Variants in SLC25A20 observed in about 807,000 individuals in gnomAD.
SLC25A20 encodes the protein solute carrier family 25 member 20, also known as mitochondrial carnitine/acylcarnitine carrier protein.
Under a neutral mutation model 39.7 loss-of-function variants are expected in SLC25A20, and 29 were observed. The ratio of observed to expected loss-of-function variants is 0.73; its 90% CI spans 0.54 to 1.00. The LOEUF (loss-of-function observed/expected upper bound fraction) is 1.00, where lower values mean the gene tolerates loss of function less well. SLC25A20 is among the 50% of genes least tolerant of loss of function. The probability of loss-of-function intolerance (pLI) is 0.00; values close to 1 mark genes in which losing one functional copy is unlikely to be tolerated. For synonymous variants in SLC25A20, 103 were observed against 142.2 expected (o/e 0.72, Z 1.96); for missense variants, 333 against 379.9 (o/e 0.88, Z 1.03).
intron 7 of SLC25A20, 109 bp from the exon 8 acceptor site, chr3:48,858,740 G>A (rs990667207): frequency 1.5e-6 from 2 of 1,340,716 alleles, no homozygotes; most frequent in Admixed American, 1.7e-5. Flanking sequence ...CAGGTCATGT[G>A]GGACCAGTCC....
intron 2 of SLC25A20, among the ~76,000 whole-genome samples, chr3:48,891,170 G>A (rs544657947): frequency 6.6e-6 from 1 of 152,170 alleles, no homozygotes; most frequent in Admixed American, 6.5e-5. Flanking sequence ...CCCGTCCTGG[G>A]TTCAAGCGAT....
At chr3:48,880,873 C>A (rs1417939861) in intron 3 of SLC25A20, among the ~76,000 whole-genome samples, 3 of 152,116 alleles carry the variant, frequency 2.0e-5, no homozygotes, top group Non-Finnish European at 4.4e-5. Flanking sequence ...TGGCTACCTC[C>A]TTTTCTTTCT....
chr3:48,871,565 C>G (rs533651655), intron 4 of SLC25A20, among the ~76,000 whole-genome samples: 1 of 151,816 alleles, frequency 6.6e-6, no homozygotes, highest in African/African-American at 2.4e-5. Flanking sequence ...GTAGGGAGTT[C>G]GAGACCAGCC....
In SLC25A20 at chr3:48,898,749, C is replaced by G; in HGVS notation, c.46G>C (p.Ala16Pro). 1 of 1,607,536 alleles carries G rather than the reference C, an allele frequency of 6.2e-7. No homozygotes were observed. Among genetic ancestry groups the G allele is most frequent in the East Asian group, 2.2e-5 (1 of 44,636 alleles). ...AGGCACACGCCGCCAAAGCCGCCGGCCAGCAGGTTCTTGAGCGGGCTGATG... is the reference window on the plus strand; with the variant it reads ...AGGCACACGCCGCCAAAGCCGCCGGGCAGCAGGTTCTTGAGCGGGCTGATG... ...KPISPLKNLLAGGFGGVCLVF... is the reference protein window; with the variant it reads ...KPISPLKNLLPGGFGGVCLVF... Residue 16 changes from alanine to proline, a missense_variant, in exon 1 of 9, where the codon GCC (alanine) becomes CCC (proline). Physicochemically the swap from Ala to Pro is conservative, Grantham distance 27. Coordinates refer to ENST00000319017, the MANE Select transcript of SLC25A20 (RefSeq NM_000387.6).
intron 3 of SLC25A20, among the ~76,000 whole-genome samples, chr3:48,881,345 C>T (rs1038373612): frequency 6.6e-6 from 1 of 152,164 alleles, no homozygotes; most frequent in Non-Finnish European, 1.5e-5. Flanking sequence ...CCATTTTCCC[C>T]ATAATGCCCA....
At chr3:48,872,704 A>C (rs1414074353) in intron 4 of SLC25A20, among the ~76,000 whole-genome samples, 2 of 149,630 alleles carry the variant, frequency 1.3e-5, no homozygotes, top group Non-Finnish European at 3.0e-5. Context: ...AAAAAAAAAA[A>C]GGTGTTTAAT....
intron 2 of SLC25A20, among the ~76,000 whole-genome samples, chr3:48,888,602 T>TAAAA (rs1186863289): frequency 7.9e-5 from 12 of 150,998 alleles, no homozygotes; most frequent in African/African-American, 2.7e-4. Context: ...AATAAATAAA[T>TAAAA]AAATAAATAA....
intron 3 of SLC25A20, among the ~76,000 whole-genome samples, chr3:48,880,621 C>T (rs1412204588): frequency 2.1e-5 from 3 of 142,094 alleles, no homozygotes; most frequent in Non-Finnish European, 4.5e-5. Context: ...CTCTGTTGCC[C>T]AGGCTGGAGT....
intron 1 of SLC25A20, among the ~76,000 whole-genome samples, chr3:48,896,469 T>G (rs1264643011): frequency 6.7e-6 from 1 of 148,594 alleles, no homozygotes; most frequent in African/African-American, 2.5e-5. Context: ...AACATTAAAG[T>G]CCTTTGCAGG....
intron 4 of SLC25A20, among the ~76,000 whole-genome samples, chr3:48,865,595 T>TA (rs766275901): frequency 0.03 from 2,586 of 85,046 alleles, 41 homozygotes; most frequent in African/African-American, 0.041. Context: ...ACCCTGTTTC[T>TA]AAAAAAAAAA....
intron 4 of SLC25A20, among the ~76,000 whole-genome samples, chr3:48,871,538 T>A (rs1348204667): frequency 6.6e-6 from 1 of 151,744 alleles, no homozygotes; most frequent in Non-Finnish European, 1.5e-5. Flanking sequence ...GAGGCTGAGG[T>A]GGGCGGATCA....
chr3:48,870,293 C>T (rs563336419), intron 4 of SLC25A20, among the ~76,000 whole-genome samples: 6 of 151,944 alleles, frequency 3.9e-5, no homozygotes, highest in Non-Finnish European at 5.9e-5. Context: ...CCCAGCTACG[C>T]GGGAGGATGA....
rs2083881207 is a variant in SLC25A20, at chr3:48,891,985, TAA to T, written c.191_192del (p.Phe64Ter). On this transcript the variant is annotated frameshift_variant, in exon 2 of 9. Transcript: ENST00000319017. LOFTEE classifies it high-confidence loss of function. ...GCCCAGCACCATATACCAACCTCTC[TAA>T]AAAGAGTCTTCCGGAAACAGTCAAA... ...GTFDCFRKTL[F>X]REGITGLYRG... is the part of the protein sequence containing the mutation. The T allele has an allele frequency of 2.5e-6, 4 of 1,612,590 alleles. No individual in the cohort carries two copies. The highest frequency in any genetic ancestry group is 3.3e-5 in the Admixed American group (2 of 59,960).
At position 48,858,555 on chromosome 3, in the gene SLC25A20, C is replaced by A; in HGVS notation, c.795G>T (p.Leu265Phe). Residue 265 changes from leucine (L) to phenylalanine (F), a missense_variant, in exon 8 of 9, where the codon TTG becomes TTT. Leu to Phe is a conservative substitution (Grantham distance 22). Coordinates refer to ENST00000319017, the MANE Select transcript of SLC25A20 (RefSeq NM_000387.6). ...ELIRDEGVTSLYKGFNAVMIR... is the reference protein window; with the variant it reads ...ELIRDEGVTSFYKGFNAVMIR... ...TCATCACTGCATTGAACCCTTTGTA[C>A]AAGGATGTGACTCCTTCATCCCGGA... The A allele has an allele frequency of 6.2e-7, 1 of 1,614,220 alleles. No individual in the cohort carries two copies. The highest frequency in any genetic ancestry group is 8.5e-7 in the Non-Finnish European group (1 of 1,180,048).
chr3:48,891,963 C>T lies in SLC25A20; in HGVS notation c.198+17G>A. 1 of 1,582,288 alleles carries T rather than the reference C, an allele frequency of 6.3e-7. No homozygotes were observed. The highest frequency in any genetic ancestry group is 8.7e-7 in the Non-Finnish European group (1 of 1,151,146). On this transcript the variant is annotated intron_variant, in intron 2 of 8. Coordinates refer to ENST00000319017, the MANE Select transcript of SLC25A20 (RefSeq NM_000387.6). ...ATGTGTTCTGAGTAAGAGGAATGCC[C>T]AGCACCATATACCAACCTCTCTAAA...
intron 4 of SLC25A20, among the ~76,000 whole-genome samples, chr3:48,873,832 G>A (rs989884318): frequency 2.6e-5 from 4 of 151,678 alleles, no homozygotes; most frequent in South Asian, 4.2e-4. Flanking sequence ...AGCCGGGCAC[G>A]GTGGCAGGCG....
chr3:48,867,748 A>G (rs558878590), intron 4 of SLC25A20, among the ~76,000 whole-genome samples: 123 of 151,646 alleles, frequency 8.1e-4, no homozygotes, highest in African/African-American at 2.8e-3. Context: ...AAGCGGAAGC[A>G]CAGGCCATCC....
At chr3:48,895,795 C>G (rs1244850574) in intron 1 of SLC25A20, 1 of 456,516 alleles carries the variant, frequency 2.2e-6, no homozygotes, top group Non-Finnish European at 4.4e-6. Context: ...TCAGATCTCC[C>G]ATAGTCAGGC....
intron 7 of SLC25A20, 56 bp from the exon 8 acceptor site, chr3:48,858,687 T>C: frequency 1.2e-6 from 2 of 1,612,144 alleles, no homozygotes; most frequent in Non-Finnish European, 1.7e-6. Context: ...AGCAGTTAAG[T>C]CTTCCTGAAG....
Sources: allele counts gnomAD v4.1 joint callset (sites outside exome capture counted in the v4.1 genomes callset), GRCh38; gene constraint gnomAD v4.1.1; transcripts MANE v1.5; gene names NCBI Gene and HGNC (gene_info 2026-07-23, HGNC 2026-07-21).